The following NUDT3 variants were observed in gnomAD, a reference collection of about 807,000 sequenced individuals.
NUDT3 encodes the protein nudix hydrolase 3.
A neutral mutation model predicts 23.6 loss-of-function variants in NUDT3; 9 were observed. That is an observed-to-expected ratio of 0.38 (90% confidence interval 0.23 to 0.66). The LOEUF (loss-of-function observed/expected upper bound fraction) is 0.66, where lower values mean the gene tolerates loss of function less well. NUDT3 is among the 30% of genes least tolerant of loss of function. NUDT3 has a pLI of 0.52. For missense variants in NUDT3, 172 were observed against 218.5 expected (o/e 0.79, Z 1.34); for synonymous variants, 86 against 82.6 (o/e 1.04, Z -0.22).
At chr6:34,361,432 C>T (rs1326386113) in intron 1 of NUDT3, among the ~76,000 whole-genome samples, 2 of 152,100 alleles carry the variant, frequency 1.3e-5, no homozygotes, top group Non-Finnish European at 2.9e-5. Flanking sequence ...GGGGTGAATA[C>T]AAAATGGTAC....
intron 2 of NUDT3, among the ~76,000 whole-genome samples, chr6:34,298,877 A>T (rs1763555388): frequency 6.6e-6 from 1 of 152,184 alleles, no homozygotes; most frequent in South Asian, 2.1e-4. Context: ...CCTATTTACC[A>T]ATTTTAAAAA....
intron 2 of NUDT3, among the ~76,000 whole-genome samples, chr6:34,313,165 A>G (rs1763801442): frequency 6.6e-6 from 1 of 152,080 alleles, no homozygotes; most frequent in Non-Finnish European, 1.5e-5. Flanking sequence ...ACAGAGCGAG[A>G]CCTTGTCTCT....
chr6:34,376,503 C>T (rs1467138847), intron 1 of NUDT3, among the ~76,000 whole-genome samples: 6 of 152,138 alleles, frequency 3.9e-5, no homozygotes, highest in Non-Finnish European at 7.4e-5. Flanking sequence ...TCTTGAACTC[C>T]TGGCCTCAAG....
At chr6:34,367,248 G>A (rs555646704) in intron 1 of NUDT3, among the ~76,000 whole-genome samples, 1 of 152,124 alleles carries the variant, frequency 6.6e-6, no homozygotes, top group South Asian at 2.1e-4. Flanking sequence ...TTGGGAGGCT[G>A]AGGTGAGTGG....
chr6:34,298,680 A>C (rs1763552478), intron 2 of NUDT3, among the ~76,000 whole-genome samples: 1 of 152,128 alleles, frequency 6.6e-6, no homozygotes, highest in African/African-American at 2.4e-5. Context: ...TCCTGGGATC[A>C]AGCAATTCTC....
At chr6:34,299,106 G>C in intron 2 of NUDT3, among the ~76,000 whole-genome samples, 1 of 152,172 alleles carries the variant, frequency 6.6e-6, no homozygotes, top group East Asian at 1.9e-4. Flanking sequence ...AGCAATCTGA[G>C]AGTGGGTTAT....
intron 1 of NUDT3, among the ~76,000 whole-genome samples, chr6:34,343,541 C>CAA (rs35748626): frequency 7.3e-4 from 103 of 141,872 alleles, no homozygotes; most frequent in East Asian, 7.1e-3. Context: ...ACCCCCATCT[C>CAA]AAAAAAAAAA....
chr6:34,360,041 A>C (rs999220391), intron 1 of NUDT3, among the ~76,000 whole-genome samples: 9 of 152,016 alleles, frequency 5.9e-5, no homozygotes, highest in African/African-American at 2.2e-4. Context: ...CCAGCCTGAC[A>C]AAATAGAAAA....
At chr6:34,322,379 G>A (rs1274159966) in intron 2 of NUDT3, among the ~76,000 whole-genome samples, 6 of 152,020 alleles carry the variant, frequency 3.9e-5, no homozygotes, top group East Asian at 1.9e-4. Flanking sequence ...ATAGGCACCC[G>A]CCACCACGCA....
chr6:34,280,777 T>C lies in NUDT3; in HGVS notation c.*7976A>G, dbSNP rs886568245. 2.0e-5 allele frequency: 3 copies of C among 152,188 alleles called. No homozygotes were observed. Among genetic ancestry groups the C allele is most frequent in the East Asian group, 1.9e-4 (1 of 5,194 alleles). The allele number at this position is 152,188 out of a possible 1,614,324, so 9.4% of individuals were successfully genotyped here. Reference sequence around the variant, plus strand: ...GAACAGCAGCAGAGTTCTGGTGGGATAGAGCAGTCTAGTCTGAGCCACTGT... The same window carrying C: ...GAACAGCAGCAGAGTTCTGGTGGGACAGAGCAGTCTAGTCTGAGCCACTGT... On this transcript the variant is annotated 3_prime_UTR_variant, in exon 5 of 5. Transcript: ENST00000607016.
At chr6:34,293,418 G>C in intron 4 of NUDT3, 33 bp downstream of exon 4, 1 of 1,612,814 alleles carries the variant, frequency 6.2e-7, no homozygotes, top group Non-Finnish European at 8.5e-7. Context: ...TGGTTGTGAG[G>C]AACCCTTTCC....
intron 1 of NUDT3, among the ~76,000 whole-genome samples, chr6:34,348,030 G>A (rs1320357550): frequency 6.6e-6 from 1 of 151,902 alleles, no homozygotes; most frequent in Admixed American, 6.6e-5. Flanking sequence ...CAGGTGCAGT[G>A]GCTCATGCCT....
chr6:34,382,324 G>A (rs918315232), intron 1 of NUDT3, among the ~76,000 whole-genome samples: 2 of 151,684 alleles, frequency 1.3e-5, no homozygotes, highest in East Asian at 1.9e-4. Context: ...CATCACTTGC[G>A]CCCGGAAGGT....
At chr6:34,387,337 A>T (rs1449803711) in intron 1 of NUDT3, among the ~76,000 whole-genome samples, 1 of 152,152 alleles carries the variant, frequency 6.6e-6, no homozygotes, top group South Asian at 2.1e-4. Context: ...AAGACCTCCC[A>T]GTGGGATAAG....
intron 3 of NUDT3, 81 bp downstream of exon 3, chr6:34,295,560 C>T: frequency 4.2e-6 from 6 of 1,432,082 alleles, no homozygotes; most frequent in Non-Finnish European, 5.7e-6. Context: ...CTCGCTGAAA[C>T]AGAAATGGCA....
At chr6:34,338,795 C>G (rs1686841433) in intron 2 of NUDT3, among the ~76,000 whole-genome samples, 1 of 152,170 alleles carries the variant, frequency 6.6e-6, no homozygotes, top group African/African-American at 2.4e-5. Context: ...GTTAGCACAG[C>G]CAGGCAGAGG....
At chr6:34,321,523 G>C (rs1220868537) in intron 2 of NUDT3, among the ~76,000 whole-genome samples, 2 of 152,120 alleles carry the variant, frequency 1.3e-5, no homozygotes, top group Non-Finnish European at 2.9e-5. Context: ...CTTGGCTAAT[G>C]TAGTAAGAGC....
chr6:34,288,534 C>A lies in NUDT3; in HGVS notation c.*219G>T, dbSNP rs546492039. ...GACAGATCATGCACAAAAGTACTTA[C>A]AAATTACACACCCAACCCCCACCCT... On this transcript the variant is annotated 3_prime_UTR_variant, in exon 5 of 5. Transcript: ENST00000607016. 5.5e-5 allele frequency: 32 copies of A among 581,610 alleles called. No individual in the cohort carries two copies. In the East Asian group the frequency reaches 1.0e-3, roughly 19 times the overall value. The allele number at this position is 581,610 out of a possible 1,614,324, so 36.0% of individuals were successfully genotyped here.
chr6:34,297,084 A>G (rs1295967839), intron 2 of NUDT3, among the ~76,000 whole-genome samples: 1 of 151,710 alleles, frequency 6.6e-6, no homozygotes, highest in East Asian at 1.9e-4. Context: ...GGTGCCCGCC[A>G]CCACGCCCGG....
Sources: allele counts gnomAD v4.1 joint callset (sites outside exome capture counted in the v4.1 genomes callset), GRCh38; gene constraint gnomAD v4.1.1; transcripts MANE v1.5; gene names NCBI Gene and HGNC (gene_info 2026-07-23, HGNC 2026-07-21).